ARHGAP15: variants seen among roughly 807,000 people sequenced by gnomAD.
ARHGAP15 encodes Rho GTPase activating protein 15, also known as rho GTPase-activating protein 15.
ARHGAP15 carries 51 observed loss-of-function variants against 63.7 expected under a neutral mutation model. The ratio of observed to expected loss-of-function variants is 0.80; its 90% CI spans 0.64 to 1.01. The LOEUF is 1.01. Ranked by LOEUF, ARHGAP15 falls within the 50% of genes least tolerant of loss-of-function variation. The pLI is 0.00. For missense variants in ARHGAP15, 560 were observed against 564.6 expected (o/e 0.99, Z 0.08); for synonymous variants, 191 against 193.8 (o/e 0.99, Z 0.12).
intron 2 of ARHGAP15, among the ~76,000 whole-genome samples, chr2:143,177,147 A>G (rs1490702934): frequency 2.0e-5 from 3 of 152,232 alleles, no homozygotes; most frequent in Non-Finnish European, 2.9e-5. Context: ...AATATGCGAC[A>G]TAACTGAAAT....
intron 6 of ARHGAP15, among the ~76,000 whole-genome samples, chr2:143,258,484 T>G (rs911023509): frequency 6.6e-6 from 1 of 152,264 alleles, no homozygotes; most frequent in East Asian, 1.9e-4. Context: ...ATGGCATCTA[T>G]GCATAGAGTC....
In ARHGAP15 at chr2:143,201,528, G is replaced by A. The variant is rs77553043; in HGVS notation, c.166-606G>A. Among the ~76,000 whole-genome samples the A allele has an allele frequency of 3.7e-3, 567 of 152,040 alleles. 4 individuals carry two copies. Among genetic ancestry groups the A allele is most frequent in the African/African-American group, 0.013 (533 of 41,494 alleles). Reference sequence around the variant, plus strand: ...CACGTGTTCTCACTCATTTGGGGGCGCTGTAAAACAATTGATCTCATAGAG... The same window carrying A: ...CACGTGTTCTCACTCATTTGGGGGCACTGTAAAACAATTGATCTCATAGAG... On this transcript the variant is annotated intron_variant, in intron 2 of 13. Coordinates refer to ENST00000295095, the MANE Select transcript of ARHGAP15 (RefSeq NM_018460.4).
chr2:143,183,551 T>C (rs1691320690), intron 2 of ARHGAP15, among the ~76,000 whole-genome samples: 1 of 151,958 alleles, frequency 6.6e-6, no homozygotes. Flanking sequence ...TATAAAAGTA[T>C]CTAAAAAGGA....
intron 12 of ARHGAP15, among the ~76,000 whole-genome samples, chr2:143,642,749 G>A (rs1009844248): frequency 6.6e-6 from 1 of 152,116 alleles, no homozygotes; most frequent in African/African-American, 2.4e-5. Flanking sequence ...CAGTGTTTGG[G>A]AGGCCTTCAT....
intron 8 of ARHGAP15, among the ~76,000 whole-genome samples, chr2:143,470,795 GGC>G (rs1691490640): frequency 7.6e-6 from 1 of 131,992 alleles, no homozygotes; most frequent in African/African-American, 2.7e-5. Context: ...CAAACAGGTT[GGC>G]ATATATATAT....
intron 12 of ARHGAP15, among the ~76,000 whole-genome samples, chr2:143,637,395 G>T (rs768300042): frequency 2.2e-4 from 34 of 151,944 alleles, no homozygotes; most frequent in Non-Finnish European, 3.8e-4. Flanking sequence ...AGATAAGTTT[G>T]TACAAGTTTA....
At chr2:143,536,708 A>C (rs957519866) in intron 10 of ARHGAP15, among the ~76,000 whole-genome samples, 1 of 151,726 alleles carries the variant, frequency 6.6e-6, no homozygotes, top group Non-Finnish European at 1.5e-5. Context: ...TGAACTCATC[A>C]TTTTTTATGG....
intron 12 of ARHGAP15, among the ~76,000 whole-genome samples, chr2:143,641,520 A>G: frequency 6.6e-6 from 1 of 152,112 alleles, no homozygotes; most frequent in East Asian, 1.9e-4. Context: ...ATCTCATCAA[A>G]AGTTACTTCA....
At chr2:143,313,577 A>T (rs1157668946) in intron 6 of ARHGAP15, among the ~76,000 whole-genome samples, 1 of 152,098 alleles carries the variant, frequency 6.6e-6, no homozygotes, top group Non-Finnish European at 1.5e-5. Context: ...GAGTGTGTGT[A>T]TGGGAGGGTA....
At chr2:143,416,809 A>C (rs1358113102) in intron 6 of ARHGAP15, among the ~76,000 whole-genome samples, 3 of 118,648 alleles carry the variant, frequency 2.5e-5, no homozygotes, top group Non-Finnish European at 3.5e-5. Context: ...CCTGCCTGCC[A>C]CTTCCCCCAC....
intron 8 of ARHGAP15, among the ~76,000 whole-genome samples, chr2:143,478,403 C>CTT (rs1691923372): frequency 3.3e-5 from 5 of 152,120 alleles, no homozygotes; most frequent in Non-Finnish European, 7.4e-5. Flanking sequence ...CCTTAGGTTG[C>CTT]AAGTACTTGA....
chr2:143,138,484 G>A (rs574969187), intron 1 of ARHGAP15, among the ~76,000 whole-genome samples: 1 of 152,216 alleles, frequency 6.6e-6, no homozygotes, highest in Admixed American at 6.5e-5. Flanking sequence ...TACTTTGTTT[G>A]ATGTCTAAAG....
chr2:143,521,088 A>T (rs888333812), intron 10 of ARHGAP15, among the ~76,000 whole-genome samples: 2 of 152,170 alleles, frequency 1.3e-5, no homozygotes, highest in African/African-American at 4.8e-5. Context: ...ATTATATTTC[A>T]TTGTCCCTGT....
At chr2:143,361,177 T>G (rs1290981859) in intron 6 of ARHGAP15, among the ~76,000 whole-genome samples, 1 of 152,118 alleles carries the variant, frequency 6.6e-6, no homozygotes, top group African/African-American at 2.4e-5. Flanking sequence ...AAAAAAAAAT[T>G]TTTTTTAAAT....
At chr2:143,228,866 G>A (rs1200112616) in intron 5 of ARHGAP15, among the ~76,000 whole-genome samples, 198 bp downstream of exon 5, 1 of 152,124 alleles carries the variant, frequency 6.6e-6, no homozygotes, top group East Asian at 1.9e-4. Context: ...TGGTGCATTT[G>A]GAGAATAATC....
At chr2:143,397,738 A>G (rs1288707700) in intron 6 of ARHGAP15, among the ~76,000 whole-genome samples, 2 of 152,184 alleles carry the variant, frequency 1.3e-5, no homozygotes, top group African/African-American at 2.4e-5. Flanking sequence ...AAGGTGCTGG[A>G]TGTCACCAAC....
intron 12 of ARHGAP15, among the ~76,000 whole-genome samples, chr2:143,667,961 C>G (rs925244615): frequency 6.6e-6 from 1 of 151,850 alleles, no homozygotes; most frequent in Non-Finnish European, 1.5e-5. Flanking sequence ...GCACTCCAGC[C>G]TGGGTGACAG....
chr2:143,624,222 C>A lies in ARHGAP15; in HGVS notation c.1093C>A (p.Pro365Thr), dbSNP rs780200713. The change falls in exon 12 of 14, where the codon CCG becomes ACG. Residue 365 changes from proline to threonine, a missense_variant. Coordinates refer to ENST00000295095, the MANE Select transcript of ARHGAP15 (RefSeq NM_018460.4). ...LKMFFRELPE[P>T]LFPYSFFEQF... ...GATGTTTTTCCGGGAGCTGCCTGAG[C>A]CGCTCTTCCCTTACAGTTTCTTTGA... 7.4e-6 allele frequency: 12 copies of A among 1,613,114 alleles called. No homozygotes were observed. Among genetic ancestry groups the A allele is most frequent in the Non-Finnish European group, 1.0e-5 (12 of 1,179,548 alleles).
intron 12 of ARHGAP15, among the ~76,000 whole-genome samples, chr2:143,637,848 A>G (rs941617612): frequency 6.6e-6 from 1 of 152,196 alleles, no homozygotes; most frequent in Non-Finnish European, 1.5e-5. Context: ...AAGGACATGA[A>G]CAGACACTTC....
Sources: gnomAD v4.1 joint callset for allele counts (sites outside exome capture counted in the v4.1 genomes callset) on GRCh38, gnomAD v4.1.1 for gene constraint, MANE v1.5 for transcripts, NCBI Gene and HGNC (gene_info 2026-07-23, HGNC 2026-07-21) for gene names.